CP: variants seen among roughly 807,000 people sequenced by gnomAD.
CP encodes the protein caeruloplasmin.
In CP, 64 loss-of-function variants were observed where a neutral mutation model predicts 122.4. That is an observed-to-expected ratio of 0.52 (90% CI 0.43 to 0.64). CP has a LOEUF of 0.64. Among genes scored for constraint, CP ranks in the 30% least tolerant of loss-of-function variants. The probability of loss-of-function intolerance (pLI) is 0.00; values close to 1 mark genes in which losing one functional copy is unlikely to be tolerated. For missense variants in CP, 1,167 were observed against 1,284.4 expected (o/e 0.91, Z 1.40); for synonymous variants, 440 against 436.4 (o/e 1.01, Z -0.10).
intron 1 of CP, among the ~76,000 whole-genome samples, chr3:149,218,855 A>T (rs1728630984): frequency 6.6e-6 from 1 of 152,190 alleles, no homozygotes; most frequent in Non-Finnish European, 1.5e-5. Flanking sequence ...TTCAAGATCA[A>T]CATTCAGCTT....
At chr3:149,189,184 C>G (rs895914980) in intron 9 of CP, among the ~76,000 whole-genome samples, 1 of 152,108 alleles carries the variant, frequency 6.6e-6, no homozygotes, top group Non-Finnish European at 1.5e-5. Context: ...CAAAAGCTTC[C>G]TGAAAACAAG....
intron 9 of CP, among the ~76,000 whole-genome samples, chr3:149,196,767 T>A (rs888597362): frequency 6.6e-5 from 1 of 15,198 alleles, no homozygotes; most frequent in East Asian, 0.042. Context: ...TTTGATTAAT[T>A]TGAAACTTAT....
At chr3:149,187,895 C>T in intron 10 of CP, 157 bp downstream of exon 10, 1 of 734,264 alleles carries the variant, frequency 1.4e-6, no homozygotes, top group African/African-American at 1.7e-5. Context: ...CTGACAGACA[C>T]ATCAAATAAC....
chr3:149,206,096 A>C (rs1451624983), intron 6 of CP, 72 bp downstream of exon 6: 3 of 1,428,578 alleles, frequency 2.1e-6, no homozygotes, highest in Non-Finnish European at 2.9e-6. Context: ...TTAATTGCTG[A>C]ATTAGCCTTT....
At chr3:149,174,614 T>C (rs753529083) in intron 18 of CP, among the ~76,000 whole-genome samples, 4 of 152,182 alleles carry the variant, frequency 2.6e-5, no homozygotes, top group Non-Finnish European at 5.9e-5. Flanking sequence ...AACTATTGTA[T>C]TGGATTTGGG....
At chr3:149,162,421 T>G in exon 6 of CP, 1 of 1,258,404 alleles carries the variant, frequency 7.9e-7, no homozygotes. Flanking sequence ...GAGTTTTTCA[T>G]TTGTTTGTTT....
downstream of CP, chr3:149,172,318 TCACACACACACACACA>T: frequency 1.7e-5 from 10 of 571,946 alleles, no homozygotes; most frequent in East Asian, 1.5e-4. Flanking sequence ...ATTTTATATA[TCACACACACACACACA>T]CACACACACA....
intron 2 of CP, among the ~76,000 whole-genome samples, chr3:149,210,595 T>C (rs1044837334): frequency 2.0e-5 from 3 of 152,168 alleles, no homozygotes; most frequent in African/African-American, 7.2e-5. Context: ...TTATATTTGA[T>C]TGGGTTTTCA....
rs1364020965 is a variant in CP at position 149,209,220 on chromosome 3, T to G, written c.772A>C (p.Arg258=). 6.2e-7 allele frequency: 1 copy of G among 1,613,648 alleles called. No homozygotes were observed. The highest frequency in any genetic ancestry group is 1.3e-5 in the African/African-American group (1 of 74,924). ...KDNEDFQESN[R]MYSVNGYTFG... ...TCTGCTGTAATCTTACAATACATTC[T>G]GTTACTCTCCTGGAAGTCTTCGTTG... Residue 258 remains arginine, a synonymous_variant, in exon 4 of 19, where the codon AGA becomes CGA. Coordinates refer to ENST00000264613, the MANE Select transcript of CP (RefSeq NM_000096.4).
intron 13 of CP, 124 bp from the exon 14 acceptor site, chr3:149,182,257 T>A: frequency 9.4e-7 from 1 of 1,058,520 alleles, no homozygotes; most frequent in South Asian, 1.3e-5. Flanking sequence ...CTTGGATTTA[T>A]ACTGCGTCCC....
In CP at chr3:149,188,490, CAAAAAAA is replaced by C. The variant is rs60815739; in HGVS notation, c.1714-295_1714-289del. ...CATTGTGCATACCAATTGAAGCCTC[CAAAAAAA>C]AAAAAAAAAAAAAAAAAAAAAAGTT... On this transcript the variant is annotated intron_variant, in intron 9 of 18. Transcript: ENST00000264613. 2.4e-3 allele frequency among the ~76,000 whole-genome samples: 110 copies of C among 46,110 alleles called. 2 individuals are homozygous for C. In the South Asian group the frequency reaches 0.044, roughly 19 times the overall value. The allele number at this position is 46,110 out of a possible 152,430, so 30.2% of individuals were successfully genotyped here.
At chr3:149,171,533 A>G (rs1724987663), downstream of CP, among the ~76,000 whole-genome samples, 2 of 152,216 alleles carry the variant, frequency 1.3e-5, no homozygotes, top group African/African-American at 4.8e-5. Context: ...ATAATATAGT[A>G]ATTCAGCAAT....
At position 149,206,344 on chromosome 3, in the gene CP, A is replaced by G. The variant is rs762022040; in HGVS notation, c.1037-5T>C. On this transcript the variant is annotated splice_polypyrimidine_tract_variant and splice_region_variant and intron_variant, in intron 5 of 18. Coordinates refer to ENST00000264613, the MANE Select transcript of CP (RefSeq NM_000096.4). Reference sequence around the variant, plus strand: ...GGAAAAAGGCTTGCAAACCGGCTGAAATGAAACAGAAAGAGGCATTGATTA... The same window carrying G: ...GGAAAAAGGCTTGCAAACCGGCTGAGATGAAACAGAAAGAGGCATTGATTA... The G allele has an allele frequency of 6.2e-7, 1 of 1,613,828 alleles. No individual in the cohort carries two copies. Among genetic ancestry groups the G allele is most frequent in the Admixed American group, 1.7e-5 (1 of 60,018 alleles).
chr3:149,212,635 G>A lies in CP; in HGVS notation c.210C>T (p.Ala70=), dbSNP rs776894679. The change falls in exon 2 of 19, where the codon GCC becomes GCT. Residue 70 remains alanine, a synonymous_variant. Transcript: ENST00000264613. ...TTTCATCTGTGTACTGAAGATAAAG[G>A]GCCTTCTTATATAGTCTCCCAATTC... ...PDRIGRLYKK[A]LYLQYTDETF... The A allele has an allele frequency of 4.3e-6, 7 of 1,613,628 alleles. No individual in the cohort carries two copies. The East Asian group carries it at 1.1e-4, about 26-fold the overall frequency.
In CP at chr3:149,218,930, T is replaced by C. The variant is rs187561551; in HGVS notation, c.146+2717A>G. On this transcript the variant is annotated intron_variant, in intron 1 of 18. Coordinates refer to ENST00000264613, the MANE Select transcript of CP (RefSeq NM_000096.4). ...CACATCTTATTCTTCAGCCCATTTA[T>C]TTCCACTCCTTTTTAGTCATCATAC... Among the ~76,000 whole-genome samples, 101 of 152,320 alleles carry C rather than the reference T, an allele frequency of 6.6e-4. 1 individual carries two copies. The highest frequency in any genetic ancestry group is 1.2e-3 in the Admixed American group (19 of 15,304).
chr3:149,200,801 C>T (rs1260137218), intron 7 of CP, among the ~76,000 whole-genome samples: 2 of 152,048 alleles, frequency 1.3e-5, no homozygotes, highest in African/African-American at 4.8e-5. Context: ...TGAGCCACCG[C>T]GCCCAGCCAA....
At chr3:149,183,330 C>T in intron 13 of CP, 136 bp downstream of exon 13, 1 of 790,368 alleles carries the variant, frequency 1.3e-6, no homozygotes, top group South Asian at 1.7e-5. Flanking sequence ...CATTAGATAA[C>T]TAATTTTTAA....
rs773984794 is a variant in CP, at chr3:149,202,104, A to G, written c.1346T>C (p.Leu449Pro). The G allele has an allele frequency of 1.2e-6, 2 of 1,614,084 alleles. No homozygotes were observed. Among genetic ancestry groups the G allele is most frequent in the Admixed American group, 3.3e-5 (2 of 60,014 alleles). ...RGPEEEHLGI[L>P]GPVIWAEVGD... ...ATATATATTCTGCAAGAACTCACCC[A>G]GGATGCCAAGATGCTCTTCTTCAGG... The change falls in exon 7 of 19, where the codon CTG becomes CCG. Residue 449 changes from leucine to proline, a missense_variant and splice_region_variant. By Grantham distance (98) the Leu-to-Pro change is moderately conservative (BLOSUM62 -3). Transcript: ENST00000264613.
chr3:149,180,426 A>G (rs1725703163), intron 14 of CP, among the ~76,000 whole-genome samples: 1 of 151,788 alleles, frequency 6.6e-6, no homozygotes, highest in South Asian at 2.1e-4. Flanking sequence ...CTGCGTTTCC[A>G]TTCACCTCAG....
Sources: allele counts gnomAD v4.1 joint callset (sites outside exome capture counted in the v4.1 genomes callset), GRCh38; gene constraint gnomAD v4.1.1; transcripts MANE v1.5; gene names NCBI Gene and HGNC (gene_info 2026-07-23, HGNC 2026-07-21).